Variants in NBEA observed in about 807,000 individuals in gnomAD.
NBEA encodes neurobeachin, also known as lysosomal-trafficking regulator 2.
NBEA carries 44 observed loss-of-function variants against 343.4 expected under a neutral mutation model. The ratio of observed to expected loss-of-function variants is 0.13; its 90% CI spans 0.10 to 0.16. The LOEUF (loss-of-function observed/expected upper bound fraction) is 0.16, where lower values mean the gene tolerates loss of function less well. NBEA is among the 10% of genes least tolerant of loss of function. The probability of loss-of-function intolerance (pLI) is 1.00; values close to 1 mark genes in which losing one functional copy is unlikely to be tolerated. For synonymous variants in NBEA, 1,175 were observed against 1,238.7 expected (o/e 0.95, Z 1.08); for missense variants, 2,555 against 3,631.3 (o/e 0.70, Z 7.62).
intron 41 of NBEA, among the ~76,000 whole-genome samples, chr13:35,518,498 T>C (rs1156768034): frequency 1.3e-5 from 2 of 152,164 alleles, no homozygotes; most frequent in African/African-American, 4.8e-5. Context: ...GCTCTGCATA[T>C]CCTTGTCTTA....
chr13:35,298,088 T>C (rs1276179097), intron 35 of NBEA, among the ~76,000 whole-genome samples: 1 of 151,434 alleles, frequency 6.6e-6, no homozygotes, highest in Non-Finnish European at 1.5e-5. Flanking sequence ...TTTTCTATGT[T>C]ATATGTATTA....
chr13:35,653,698 C>T (rs1269081793), intron 53 of NBEA, among the ~76,000 whole-genome samples: 6 of 152,120 alleles, frequency 3.9e-5, no homozygotes, highest in Non-Finnish European at 5.9e-5. Context: ...ACAGACGTTT[C>T]AATTAGTTAC....
At chr13:34,944,800 C>CAAT (rs2059139026) in intron 1 of NBEA, among the ~76,000 whole-genome samples, 1 of 152,110 alleles carries the variant, frequency 6.6e-6, no homozygotes, top group African/African-American at 2.4e-5. Flanking sequence ...TTATATTAGG[C>CAAT]TATTTTAGTA....
intron 34 of NBEA, among the ~76,000 whole-genome samples, chr13:35,244,312 A>G (rs535600178): frequency 2.0e-5 from 3 of 151,990 alleles, no homozygotes; most frequent in African/African-American, 7.2e-5. Context: ...GATGAGGATC[A>G]AGTTTTATTC....
chr13:34,982,861 T>C (rs1478803553), intron 1 of NBEA, among the ~76,000 whole-genome samples: 2 of 152,208 alleles, frequency 1.3e-5, no homozygotes, highest in Non-Finnish European at 1.5e-5. Context: ...TTATCAGTTA[T>C]TGAGAAAGGG....
At chr13:35,670,383 C>G (rs1225262099) in intron 58 of NBEA, among the ~76,000 whole-genome samples, 1 of 152,130 alleles carries the variant, frequency 6.6e-6, no homozygotes, top group Non-Finnish European at 1.5e-5. Flanking sequence ...TGTGACACAG[C>G]CTGGCAGTGA....
chr13:35,487,022 G>A (rs996753489), intron 41 of NBEA, among the ~76,000 whole-genome samples: 56 of 151,814 alleles, frequency 3.7e-4, no homozygotes, highest in Middle Eastern at 6.9e-3. Context: ...CTTTTATAAA[G>A]GTTTATCCAT....
chr13:35,081,027 G>GGT, intron 10 of NBEA, among the ~76,000 whole-genome samples: 1 of 152,146 alleles, frequency 6.6e-6, no homozygotes, highest in South Asian at 2.1e-4. Context: ...ACCGCTAAAA[G>GGT]GTTTACCTTA....
chr13:35,151,503 A>G (rs1484529609), intron 18 of NBEA, among the ~76,000 whole-genome samples: 2 of 149,412 alleles, frequency 1.3e-5, no homozygotes, highest in African/African-American at 2.5e-5. Flanking sequence ...AGATTATGCC[A>G]TTGCACTCCA....
intron 34 of NBEA, among the ~76,000 whole-genome samples, chr13:35,272,844 A>T (rs541287658): frequency 1.4e-4 from 22 of 152,304 alleles, no homozygotes; most frequent in African/African-American, 4.1e-4. Context: ...GAGCACCCAG[A>T]TTCATAAAAC....
chr13:35,330,206 A>G (rs1310834650), intron 36 of NBEA, among the ~76,000 whole-genome samples: 4 of 152,064 alleles, frequency 2.6e-5, no homozygotes, highest in African/African-American at 4.8e-5. Flanking sequence ...TGCTTAACTA[A>G]TAAGATATGA....
intron 10 of NBEA, among the ~76,000 whole-genome samples, chr13:35,074,434 T>C (rs949359789): frequency 6.6e-6 from 1 of 152,110 alleles, no homozygotes; most frequent in Non-Finnish European, 1.5e-5. Context: ...TGAAAAAAAA[T>C]TATGTTTTCT....
At chr13:35,171,096 G>A (rs375272138) in intron 25 of NBEA, 176 bp from the exon 26 acceptor site, 72 of 743,352 alleles carry the variant, frequency 9.7e-5, no homozygotes, top group Non-Finnish European at 1.7e-4. Flanking sequence ...GATAGGTAAA[G>A]TAACCGAATT....
rs1407959380 is a variant in NBEA at position 35,159,595 on chromosome 13, A to T, written c.3424A>T (p.Ser1142Cys). 3.1e-6 allele frequency: 5 copies of T among 1,612,024 alleles called. No homozygotes were observed. The South Asian group carries it at 5.5e-5, about 18-fold the overall frequency. Residue 1142 changes from serine to cysteine, a missense_variant, in exon 22 of 59, where the codon AGT becomes TGT. This residue lies in a region of NBEA where 367 missense variants were observed against 377.5 expected (regional missense o/e 0.97). Transcript: ENST00000379939. ...LADEKEDLPNSSTSFLFDKIP... is the reference protein window; with the variant it reads ...LADEKEDLPNCSTSFLFDKIP... The stretch of plus-strand genomic sequence containing the variant: ...AGATGAGAAAGAAGACCTTCCCAAT[A>T]GTAGTACATCATTTCTCTTTGATAA...
At chr13:35,033,370 GT>G (rs1566188584) in intron 1 of NBEA, among the ~76,000 whole-genome samples, 1 of 151,840 alleles carries the variant, frequency 6.6e-6, no homozygotes, top group African/African-American at 2.4e-5. Context: ...CTCTGTGTCT[GT>G]TTTTATGCCA....
At chr13:35,381,018 T>C (rs1244178752) in intron 38 of NBEA, among the ~76,000 whole-genome samples, 2 of 152,206 alleles carry the variant, frequency 1.3e-5, no homozygotes, top group Non-Finnish European at 2.9e-5. Context: ...ATGCTTTTTC[T>C]TTATCATAAT....
chr13:35,287,493 C>G (rs2035507319), intron 34 of NBEA, among the ~76,000 whole-genome samples: 1 of 152,002 alleles, frequency 6.6e-6, no homozygotes, highest in South Asian at 2.1e-4. Flanking sequence ...CCCTAGCCCT[C>G]CAGTCCACTT....
At chr13:35,541,478 A>G (rs943347266) in intron 41 of NBEA, among the ~76,000 whole-genome samples, 3 of 152,120 alleles carry the variant, frequency 2.0e-5, no homozygotes, top group Non-Finnish European at 4.4e-5. Flanking sequence ...GGCTGTTTAT[A>G]AAATAGGAAG....
chr13:35,159,395 A>G lies in NBEA; in HGVS notation c.3224A>G (p.Asp1075Gly), dbSNP rs2069397639. Residue 1075 changes from aspartate (D) to glycine (G), a missense_variant, in exon 22 of 59, where the codon GAT (aspartate) becomes GGT (glycine). Physicochemically the swap from Asp to Gly is moderately conservative, Grantham distance 94. Transcript: ENST00000379939. ...ACAGAAGTAAAGCTCGATGATATGG[A>G]TTTATCACCGGAGACTTTAGTAGGT... ...EATEVKLDDM[D>G]LSPETLVGGE... is the part of the protein sequence containing the mutation. 1 of 1,613,442 alleles carries G rather than the reference A, an allele frequency of 6.2e-7. No homozygotes were observed. Among genetic ancestry groups the G allele is most frequent in the Non-Finnish European group, 8.5e-7 (1 of 1,179,660 alleles).
Sources: allele counts gnomAD v4.1 joint callset (sites outside exome capture counted in the v4.1 genomes callset), GRCh38; gene constraint gnomAD v4.1.1; regional missense constraint gnomAD v4.1.1; transcripts MANE v1.5; gene names NCBI Gene and HGNC (gene_info 2026-07-23, HGNC 2026-07-21).